EPHA6: variants seen among roughly 807,000 people sequenced by gnomAD.
EPHA6 encodes EPH receptor A6.
In EPHA6, 50 loss-of-function variants were observed where a neutral mutation model predicts 112.0. That is an observed-to-expected ratio of 0.45 (90% confidence interval 0.36 to 0.56). EPHA6 has a LOEUF of 0.56. Ranked by LOEUF, EPHA6 falls within the 20% of genes least tolerant of loss-of-function variation. EPHA6 has a pLI of 0.00. For synonymous variants in EPHA6, 529 were observed against 490.7 expected, an observed-to-expected ratio of 1.08 and a Z score of -1.03; for missense variants, 1,280 against 1,417.4, an observed-to-expected ratio of 0.90 and a Z score of 1.56.
At chr3:97,188,859 A>G (rs1436594696) in intron 3 of EPHA6, among the ~76,000 whole-genome samples, 1 of 152,058 alleles carries the variant, frequency 6.6e-6, no homozygotes, top group Non-Finnish European at 1.5e-5. Flanking sequence ...ATATAAAAAA[A>G]TCTAGAAGAA....
chr3:97,355,458 G>C (rs2084022991), intron 5 of EPHA6, among the ~76,000 whole-genome samples: 1 of 152,068 alleles, frequency 6.6e-6, no homozygotes, highest in Admixed American at 6.6e-5. Context: ...GTTGTCATCA[G>C]TTTAAAATAA....
chr3:97,368,461 C>G (rs752735795), intron 5 of EPHA6, among the ~76,000 whole-genome samples: 1 of 151,826 alleles, frequency 6.6e-6, no homozygotes, highest in Non-Finnish European at 1.5e-5. Context: ...TTTTCATGAA[C>G]CATATTGCAT....
At chr3:97,708,093 T>C (rs1008623513) in intron 14 of EPHA6, among the ~76,000 whole-genome samples, 2 of 152,176 alleles carry the variant, frequency 1.3e-5, no homozygotes, top group Non-Finnish European at 2.9e-5. Flanking sequence ...AACTGAATAA[T>C]GGGCAGAGGT....
chr3:97,460,699 T>G (rs1355228980), intron 7 of EPHA6, among the ~76,000 whole-genome samples: 1 of 152,110 alleles, frequency 6.6e-6, no homozygotes, highest in Non-Finnish European at 1.5e-5. Flanking sequence ...GATTCCTCAA[T>G]GTGATGTACA....
intron 7 of EPHA6, among the ~76,000 whole-genome samples, chr3:97,468,019 G>A (rs903303173): frequency 2.6e-5 from 4 of 151,556 alleles, no homozygotes; most frequent in Non-Finnish European, 5.9e-5. Context: ...AGGTCATCAG[G>A]AAGAGTGAAT....
At chr3:97,363,761 C>A (rs546301213) in intron 5 of EPHA6, among the ~76,000 whole-genome samples, 26 of 151,920 alleles carry the variant, frequency 1.7e-4, no homozygotes, top group African/African-American at 6.3e-4. Flanking sequence ...CCCAAATGTC[C>A]ATTAAAAGAT....
intron 3 of EPHA6, among the ~76,000 whole-genome samples, chr3:97,059,589 A>T (rs2045954657): frequency 6.6e-6 from 1 of 151,442 alleles, no homozygotes; most frequent in African/African-American, 2.4e-5. Context: ...AACAAATTAG[A>T]TCATCATAGA....
At chr3:96,900,732 C>T (rs1179054247) in intron 2 of EPHA6, among the ~76,000 whole-genome samples, 2 of 152,192 alleles carry the variant, frequency 1.3e-5, no homozygotes, top group Non-Finnish European at 2.9e-5. Context: ...TGTGCCAATG[C>T]GATTAAGCAC....
At chr3:97,111,814 T>G (rs1200079664) in intron 3 of EPHA6, among the ~76,000 whole-genome samples, 2 of 152,138 alleles carry the variant, frequency 1.3e-5, no homozygotes, top group East Asian at 1.9e-4. Flanking sequence ...TTGACGGCAC[T>G]GAAGCAATTA....
intron 14 of EPHA6, among the ~76,000 whole-genome samples, chr3:97,713,358 C>T (rs1358256381): frequency 6.6e-6 from 1 of 152,088 alleles, no homozygotes; most frequent in Non-Finnish European, 1.5e-5. Context: ...TGAACACCCT[C>T]ATGAAGATCC....
At chr3:97,298,088 A>G (rs2080941968) in intron 5 of EPHA6, among the ~76,000 whole-genome samples, 1 of 152,176 alleles carries the variant, frequency 6.6e-6, no homozygotes, top group Non-Finnish European at 1.5e-5. Context: ...GAAATTTTAA[A>G]TACTACTAAA....
intron 1 of EPHA6, among the ~76,000 whole-genome samples, chr3:96,819,489 C>T (rs2033081728): frequency 6.6e-6 from 1 of 151,974 alleles, no homozygotes; most frequent in Non-Finnish European, 1.5e-5. Flanking sequence ...CTGCATGCTC[C>T]ATTTGTTCTA....
intron 2 of EPHA6, among the ~76,000 whole-genome samples, chr3:96,894,625 A>T (rs890190986): frequency 2.6e-5 from 4 of 152,122 alleles, no homozygotes; most frequent in Admixed American, 2.6e-4. Context: ...GAAGAAGACA[A>T]TCGAGTTTGT....
At chr3:97,287,512 G>A (rs1397858580) in intron 5 of EPHA6, among the ~76,000 whole-genome samples, 1 of 152,000 alleles carries the variant, frequency 6.6e-6, no homozygotes, top group Non-Finnish European at 1.5e-5. Context: ...AGGCAAAGAA[G>A]GAGCATACGT....
Position 97,614,207 on chromosome 3 carries a change from TG to T in EPHA6, c.2574+3354del, listed in dbSNP as rs202075596. Among the ~76,000 whole-genome samples the T allele has an allele frequency of 6.6e-3, 1,009 of 152,272 alleles. 17 individuals carry two copies. Among genetic ancestry groups the T allele is most frequent in the African/African-American group, 0.023 (944 of 41,544 alleles). On this transcript the variant is annotated intron_variant, in intron 13 of 17. Coordinates refer to ENST00000389672, the MANE Select transcript of EPHA6 (RefSeq NM_001080448.3). ...CATGTCAACCACAAAAAAATTCCTT[TG>T]TTTTATAACATTTGTTGAATGTTAA...
At chr3:97,627,051 T>C (rs1420096509) in intron 13 of EPHA6, among the ~76,000 whole-genome samples, 3 of 152,038 alleles carry the variant, frequency 2.0e-5, no homozygotes, top group East Asian at 3.9e-4. Flanking sequence ...GCTCACTTAC[T>C]GTTTACAACA....
chr3:96,876,888 C>T (rs1202978861), intron 2 of EPHA6, among the ~76,000 whole-genome samples: 1 of 152,026 alleles, frequency 6.6e-6, no homozygotes, highest in Non-Finnish European at 1.5e-5. Flanking sequence ...TTAGGAAACT[C>T]CTTTTCTGGG....
chr3:97,129,819 C>T (rs915349577), intron 3 of EPHA6, among the ~76,000 whole-genome samples: 2 of 152,054 alleles, frequency 1.3e-5, no homozygotes, highest in African/African-American at 4.8e-5. Flanking sequence ...TCAGGATTTC[C>T]ACAGAAGGCA....
chr3:97,477,910 T>C (rs2107471161), intron 8 of EPHA6, among the ~76,000 whole-genome samples: 1 of 152,200 alleles, frequency 6.6e-6, no homozygotes, highest in Non-Finnish European at 1.5e-5. Context: ...GTAACTATAC[T>C]GTGAAAAAAT....
Sources: gnomAD v4.1 joint callset for allele counts (sites outside exome capture counted in the v4.1 genomes callset) on GRCh38, gnomAD v4.1.1 for gene constraint, MANE v1.5 for transcripts, NCBI Gene and HGNC (gene_info 2026-07-23, HGNC 2026-07-21) for gene names.